ANKS1A: variants seen among roughly 807,000 people sequenced by gnomAD.
The protein encoded by ANKS1A is ankyrin repeat and sterile alpha motif domain containing 1A.
In ANKS1A, 55 loss-of-function variants were observed where a neutral mutation model predicts 120.3. The ratio of observed to expected loss-of-function variants is 0.46; its 90% CI spans 0.37 to 0.57. The LOEUF (loss-of-function observed/expected upper bound fraction) is 0.57, where lower values mean the gene tolerates loss of function less well. Ranked by LOEUF, ANKS1A falls within the 20% of genes least tolerant of loss-of-function variation. The pLI, the probability that ANKS1A is intolerant of heterozygous loss-of-function variation, is 0.00. For missense variants in ANKS1A, 1,123 were observed against 1,480.3 expected (o/e 0.76, Z 3.96); for synonymous variants, 590 against 604.7 (o/e 0.98, Z 0.36).
chr6:35,002,192 A>G (rs1038854660), intron 10 of ANKS1A, among the ~76,000 whole-genome samples: 3 of 152,210 alleles, frequency 2.0e-5, no homozygotes, highest in Non-Finnish European at 2.9e-5. Flanking sequence ...CCGGTTAAAC[A>G]TAACTGTGTA....
At chr6:34,989,807 G>A (rs1411693559) in intron 9 of ANKS1A, among the ~76,000 whole-genome samples, 1 of 152,214 alleles carries the variant, frequency 6.6e-6, no homozygotes, top group Non-Finnish European at 1.5e-5. Context: ...AGACATAGGA[G>A]TTATGTGGGA....
At chr6:34,983,053 C>A in intron 5 of ANKS1A, 60 bp from the exon 6 acceptor site, 1 of 1,524,342 alleles carries the variant, frequency 6.6e-7, no homozygotes, top group South Asian at 1.1e-5. Context: ...AAAATTTGAC[C>A]CTTTTGGAGG....
chr6:34,995,176 A>G (rs1031507929), intron 10 of ANKS1A, among the ~76,000 whole-genome samples: 1 of 152,200 alleles, frequency 6.6e-6, no homozygotes, highest in Non-Finnish European at 1.5e-5. Flanking sequence ...CAACCCTAAG[A>G]CATTCCATGG....
chr6:34,991,064 A>T (rs16896235), intron 9 of ANKS1A, among the ~76,000 whole-genome samples: 13,423 of 151,858 alleles, frequency 0.088, 763 homozygotes, highest in East Asian at 0.34. Flanking sequence ...AATACCCTAG[A>T]CTCTATCATA....
chr6:35,052,176 A>G (rs1236848970), intron 11 of ANKS1A, among the ~76,000 whole-genome samples: 1 of 152,160 alleles, frequency 6.6e-6, no homozygotes, highest in Non-Finnish European at 1.5e-5. Flanking sequence ...AGCCAGGTAC[A>G]GTGGCTCATG....
At chr6:35,074,907 G>A (rs180972559) in intron 13 of ANKS1A, among the ~76,000 whole-genome samples, 1 of 152,202 alleles carries the variant, frequency 6.6e-6, no homozygotes, top group Non-Finnish European at 1.5e-5. Flanking sequence ...GTCACCACAC[G>A]GGGCGGGGGC....
rs1561916578 is a variant in ANKS1A, at chr6:35,018,062, A to G, written c.2010+3A>G. The G allele has an allele frequency of 1.2e-6, 2 of 1,612,070 alleles. No individual in the cohort carries two copies. The highest frequency in any genetic ancestry group is 1.7e-5 in the Admixed American group (1 of 59,986). On this transcript the variant is annotated splice_donor_region_variant and intron_variant, in intron 11 of 23. Coordinates refer to ENST00000360359, the MANE Select transcript of ANKS1A (RefSeq NM_015245.3). ...CCTTCGCCTCGGAGTGGGATGAGGTAAGGCCGACATGACGTCACAGGGAGC... is the reference window on the plus strand; with the variant it reads ...CCTTCGCCTCGGAGTGGGATGAGGTGAGGCCGACATGACGTCACAGGGAGC...
At chr6:34,955,545 G>T (rs1770319045) in intron 1 of ANKS1A, among the ~76,000 whole-genome samples, 1 of 152,080 alleles carries the variant, frequency 6.6e-6, no homozygotes, top group African/African-American at 2.4e-5. Flanking sequence ...TGATCATGTT[G>T]GTTTCGTTTC....
chr6:34,910,560 C>T (rs1257782747), intron 1 of ANKS1A, among the ~76,000 whole-genome samples: 4 of 151,042 alleles, frequency 2.6e-5, no homozygotes, highest in South Asian at 2.1e-4. Flanking sequence ...CCAGACTCTG[C>T]CTCATAAAAG....
At chr6:35,006,832 T>A (rs550204642) in intron 10 of ANKS1A, among the ~76,000 whole-genome samples, 118 of 152,122 alleles carry the variant, frequency 7.8e-4, no homozygotes, top group Middle Eastern at 6.8e-3. Flanking sequence ...TTAAAAAAAA[T>A]TTTTAAAATT....
At chr6:35,002,967 C>T (rs528839299) in intron 10 of ANKS1A, among the ~76,000 whole-genome samples, 6 of 148,152 alleles carry the variant, frequency 4.0e-5, no homozygotes, top group South Asian at 4.6e-4. Context: ...CAGGACTAGA[C>T]GGCTCCCACT....
At chr6:34,891,321 TAATG>T (rs1766812105) in intron 1 of ANKS1A, among the ~76,000 whole-genome samples, 1 of 152,334 alleles carries the variant, frequency 6.6e-6, no homozygotes, top group African/African-American at 2.4e-5. Flanking sequence ...AGGTAAATAA[TAATG>T]GATGGGTATA....
At chr6:34,932,162 C>A (rs1343290393) in intron 1 of ANKS1A, among the ~76,000 whole-genome samples, 1 of 152,102 alleles carries the variant, frequency 6.6e-6, no homozygotes, top group Non-Finnish European at 1.5e-5. Flanking sequence ...CTCTTTTAAC[C>A]ATATTGGTTT....
In ANKS1A at chr6:35,089,217, T is replaced by C; in HGVS notation, c.*608T>C. The C allele has an allele frequency of 1.0e-6, 1 of 992,956 alleles. No homozygotes were observed. Among genetic ancestry groups the C allele is most frequent in the South Asian group, 4.5e-5 (1 of 22,102 alleles). 61.5% of individuals were successfully genotyped at this position (992,956 alleles called of 1,614,324 possible). ...CCCTTTCAGGGGCTAGACACAGGCT[T>C]CTCGTAAGAACACAGCCTTAGAGGC... is the stretch of plus-strand genomic sequence containing the variant. On this transcript the variant is annotated 3_prime_UTR_variant, in exon 24 of 24. Coordinates refer to ENST00000360359, the MANE Select transcript of ANKS1A (RefSeq NM_015245.3).
intron 12 of ANKS1A, among the ~76,000 whole-genome samples, chr6:35,059,744 C>T (rs1476615015): frequency 6.6e-6 from 1 of 152,192 alleles, no homozygotes. Context: ...CCTCAGCCCC[C>T]TCTAGTGCCT....
Position 35,083,508 on chromosome 6 carries a change from G to A in ANKS1A, c.2994+5G>A, listed in dbSNP as rs1777797699. The A allele has an allele frequency of 6.2e-7, 1 of 1,613,684 alleles. No homozygotes were observed. The highest frequency in any genetic ancestry group is 1.3e-5 in the African/African-American group (1 of 74,906). On this transcript the variant is annotated splice_donor_5th_base_variant and intron_variant, in intron 20 of 23. Transcript: ENST00000360359. Reference sequence around the variant, plus strand: ...TTCATCGATGCCTCCAACAAGGTGTGCTGCTTACAGGGACTCTTGGTGGGA... The same window carrying A: ...TTCATCGATGCCTCCAACAAGGTGTACTGCTTACAGGGACTCTTGGTGGGA...
intron 13 of ANKS1A, among the ~76,000 whole-genome samples, chr6:35,067,958 C>T (rs1776864829): frequency 1.4e-5 from 2 of 144,008 alleles, no homozygotes; most frequent in Admixed American, 7.4e-5. Flanking sequence ...GGCGAAATCT[C>T]GGCTCACTGC....
intron 12 of ANKS1A, among the ~76,000 whole-genome samples, chr6:35,059,246 G>A (rs1301368421): frequency 6.6e-6 from 1 of 152,228 alleles, no homozygotes; most frequent in Non-Finnish European, 1.5e-5. Context: ...CCCAGGAGAC[G>A]CCCTGCTTGC....
intron 11 of ANKS1A, among the ~76,000 whole-genome samples, 165 bp downstream of exon 11, chr6:35,018,224 C>T (rs1444820100): frequency 3.3e-5 from 5 of 152,222 alleles, no homozygotes; most frequent in African/African-American, 1.2e-4. Context: ...AGAGGCGAGC[C>T]TCAGGTAGTC....
Sources: allele counts gnomAD v4.1 joint callset (sites outside exome capture counted in the v4.1 genomes callset), GRCh38; gene constraint gnomAD v4.1.1; transcripts MANE v1.5; gene names NCBI Gene and HGNC (gene_info 2026-07-23, HGNC 2026-07-21).